Variants in CSMD3 observed in about 807,000 individuals in gnomAD.
The protein encoded by CSMD3 is CUB and Sushi multiple domains 3.
CSMD3 carries 177 observed loss-of-function variants against 435.2 expected under a neutral mutation model. The observed-to-expected ratio is 0.41, with a 90% CI of 0.36 to 0.46. CSMD3 has a LOEUF of 0.46. CSMD3 is among the 20% of genes least tolerant of loss of function. CSMD3 has a pLI of 0.34. For missense variants in CSMD3, 4,265 were observed against 4,504.6 expected, an observed-to-expected ratio of 0.95 and a Z score of 1.52; for synonymous variants, 1,656 against 1,520.5, an observed-to-expected ratio of 1.09 and a Z score of -2.07.
At chr8:112,572,701 A>C (rs557469280) in intron 24 of CSMD3, among the ~76,000 whole-genome samples, 1 of 152,130 alleles carries the variant, frequency 6.6e-6, no homozygotes, top group Non-Finnish European at 1.5e-5. Flanking sequence ...CCAAGAATCA[A>C]TTTGATCTGA....
intron 63 of CSMD3, among the ~76,000 whole-genome samples, chr8:112,251,761 T>C (rs931813631): frequency 5.9e-5 from 9 of 151,780 alleles, no homozygotes; most frequent in Admixed American, 5.3e-4. Flanking sequence ...TAAATCCAAA[T>C]AATGTACTTT....
intron 1 of CSMD3, among the ~76,000 whole-genome samples, chr8:113,317,974 T>C (rs913731663): frequency 2.6e-5 from 4 of 152,208 alleles, no homozygotes; most frequent in Non-Finnish European, 5.9e-5. Flanking sequence ...TATTTTACCA[T>C]TCTCCTAATG....
chr8:112,850,167 A>G (rs2080444104), intron 11 of CSMD3, among the ~76,000 whole-genome samples: 2 of 152,272 alleles, frequency 1.3e-5, no homozygotes, highest in South Asian at 4.1e-4. Flanking sequence ...CTTCTGATAA[A>G]TCAACACCAA....
intron 1 of CSMD3, among the ~76,000 whole-genome samples, chr8:113,429,218 T>C (rs1432626601): frequency 1.3e-5 from 2 of 149,300 alleles, no homozygotes; most frequent in African/African-American, 4.9e-5. Context: ...TTGTTTCTTA[T>C]AGAATTTTGA....
chr8:112,663,005 C>G (rs1039570416), intron 17 of CSMD3, among the ~76,000 whole-genome samples: 22 of 152,004 alleles, frequency 1.4e-4, no homozygotes, highest in African/African-American at 5.1e-4. Flanking sequence ...GAATGGCGAT[C>G]ATTAAAAAGT....
At chr8:112,852,001 C>T (rs576195242) in intron 11 of CSMD3, among the ~76,000 whole-genome samples, 66 of 152,072 alleles carry the variant, frequency 4.3e-4, no homozygotes, top group Admixed American at 2.8e-3. Context: ...GTCAACAGAG[C>T]AGTGAGGGAG....
intron 67 of CSMD3, among the ~76,000 whole-genome samples, chr8:112,234,716 A>G (rs769840410): frequency 1.3e-5 from 2 of 152,178 alleles, no homozygotes; most frequent in Non-Finnish European, 2.9e-5. Context: ...TAAATTACCT[A>G]TGCTATCACA....
chr8:112,924,737 T>G (rs2130656273), intron 9 of CSMD3, among the ~76,000 whole-genome samples: 1 of 152,206 alleles, frequency 6.6e-6, no homozygotes, highest in South Asian at 2.1e-4. Context: ...CAACATGTTC[T>G]TCTCCCCTTA....
In CSMD3 at chr8:112,301,967, C is replaced by A. The variant is rs1820966023; in HGVS notation, c.8267-1G>T. 6.3e-7 allele frequency: 1 copy of A among 1,590,770 alleles called. No homozygotes were observed. Among genetic ancestry groups the A allele is most frequent in the African/African-American group, 1.3e-5 (1 of 74,382 alleles). On this transcript the variant is annotated splice_acceptor_variant, in intron 52 of 70. Coordinates refer to ENST00000297405, the MANE Select transcript of CSMD3 (RefSeq NM_198123.2). LOFTEE classifies it high-confidence loss of function. ...GTAGGTAGTTCTCCACAGGAAATAA[C>A]TTTAAAATGATAAATAAATAAAAAT...
chr8:112,752,920 TG>T (rs2077606446), intron 13 of CSMD3, among the ~76,000 whole-genome samples: 1 of 151,536 alleles, frequency 6.6e-6, no homozygotes, highest in Non-Finnish European at 1.5e-5. Context: ...TGTGTGTGTG[TG>T]TGTGTGTGTG....
intron 23 of CSMD3, among the ~76,000 whole-genome samples, chr8:112,578,713 A>T (rs1457944843): frequency 6.6e-6 from 1 of 152,132 alleles, no homozygotes; most frequent in Non-Finnish European, 1.5e-5. Flanking sequence ...GAAGGGTTAG[A>T]TAATAAAATT....
chr8:112,763,286 T>A (rs2077889879), intron 13 of CSMD3, among the ~76,000 whole-genome samples: 2 of 151,528 alleles, frequency 1.3e-5, no homozygotes, highest in African/African-American at 4.8e-5. Flanking sequence ...AAGTTAAGCT[T>A]AAAAATTTGT....
At chr8:112,380,302 A>C in intron 38 of CSMD3, 50 bp downstream of exon 38, 1 of 975,288 alleles carries the variant, frequency 1.0e-6, no homozygotes, top group East Asian at 2.4e-5. Flanking sequence ...TTTTTAATTA[A>C]TATAAACTTG....
intron 22 of CSMD3, among the ~76,000 whole-genome samples, chr8:112,596,958 T>A (rs1362330988): frequency 6.6e-6 from 1 of 151,704 alleles, no homozygotes; most frequent in Non-Finnish European, 1.5e-5. Context: ...TTAAAAGAAC[T>A]AGAAAAGCAA....
At chr8:112,999,786 G>A (rs1172460220) in intron 6 of CSMD3, among the ~76,000 whole-genome samples, 1 of 151,646 alleles carries the variant, frequency 6.6e-6, no homozygotes, top group Non-Finnish European at 1.5e-5. Context: ...AAAATGAGGA[G>A]TCAAGGATGA....
intron 7 of CSMD3, among the ~76,000 whole-genome samples, chr8:112,958,312 T>C (rs2084105220): frequency 1.3e-5 from 2 of 152,232 alleles, no homozygotes; most frequent in African/African-American, 4.8e-5. Flanking sequence ...TTAATCATTT[T>C]TAAAATTTTT....
chr8:113,432,044 T>A (rs1384177830), intron 1 of CSMD3, among the ~76,000 whole-genome samples: 1 of 152,178 alleles, frequency 6.6e-6, no homozygotes, highest in Non-Finnish European at 1.5e-5. Flanking sequence ...CCTTGAAGGA[T>A]CTCAAGGGAG....
chr8:112,555,872 A>G (rs1280964290), intron 25 of CSMD3, among the ~76,000 whole-genome samples: 1 of 151,990 alleles, frequency 6.6e-6, no homozygotes. Flanking sequence ...AGTTTTTTGT[A>G]TATCAATTAT....
At chr8:112,434,284 G>C (rs1814066688) in intron 32 of CSMD3, among the ~76,000 whole-genome samples, 1 of 152,098 alleles carries the variant, frequency 6.6e-6, no homozygotes, top group Admixed American at 6.6e-5. Flanking sequence ...CATAATGCCT[G>C]GCATAAGTTC....
Sources: gnomAD v4.1 joint callset for allele counts (sites outside exome capture counted in the v4.1 genomes callset) on GRCh38, gnomAD v4.1.1 for gene constraint, MANE v1.5 for transcripts, NCBI Gene and HGNC (gene_info 2026-07-23, HGNC 2026-07-21) for gene names.